Variants in SUGCT observed in about 807,000 individuals in gnomAD.
The protein encoded by SUGCT is succinyl-CoA:glutarate CoA-transferase.
Under a neutral mutation model 55.0 loss-of-function variants are expected in SUGCT, and 41 were observed. The observed-to-expected ratio is 0.74, with a 90% CI of 0.58 to 0.97. SUGCT has a LOEUF of 0.97. Among genes scored for constraint, SUGCT ranks in the 50% least tolerant of loss-of-function variants. The pLI is 0.00. For missense variants in SUGCT, 568 were observed against 547.8 expected, an observed-to-expected ratio of 1.04 and a Z score of -0.37; for synonymous variants, 187 against 200.4, an observed-to-expected ratio of 0.93 and a Z score of 0.56.
chr7:41,031,977 G>A, the SUGCT span, among the ~76,000 whole-genome samples: 135,542 of 151,750 alleles, frequency 0.89, 60,751 homozygotes, highest in African/African-American at 0.97. Context: ...CCTGTGCCCA[G>A]TATCTAGTAG....
chr7:40,179,506 C>T (rs1056361507), intron 1 of SUGCT, among the ~76,000 whole-genome samples: 1 of 152,154 alleles, frequency 6.6e-6, no homozygotes, highest in African/African-American at 2.4e-5. Context: ...TGGTCTGGAA[C>T]TCCTGACCTC....
chr7:40,237,878 A>G (rs1269277174), intron 7 of SUGCT, among the ~76,000 whole-genome samples, 152 bp downstream of exon 7: 1 of 152,222 alleles, frequency 6.6e-6, no homozygotes, highest in Non-Finnish European at 1.5e-5. Context: ...TTTTAGAAAG[A>G]AACCAGGGAA....
intron 8 of SUGCT, among the ~76,000 whole-genome samples, chr7:40,287,140 T>C (rs113581544): frequency 1.3e-5 from 2 of 152,304 alleles, no homozygotes; most frequent in African/African-American, 4.8e-5. Flanking sequence ...TTCTCTAAAG[T>C]TGAATTATTG....
intron 6 of SUGCT, among the ~76,000 whole-genome samples, chr7:40,196,061 A>T (rs1196078842): frequency 1.3e-5 from 2 of 152,182 alleles, no homozygotes; most frequent in Admixed American, 1.3e-4. Context: ...TAGGAACCCA[A>T]GGTATCCCTT....
chr7:40,418,273 C>G (rs1488430447), intron 9 of SUGCT, among the ~76,000 whole-genome samples: 1 of 152,124 alleles, frequency 6.6e-6, no homozygotes, highest in East Asian at 1.9e-4. Context: ...TGTAAGGATT[C>G]AGATGGGAAA....
rs1001789561 is a variant in SUGCT at position 40,747,019 on chromosome 7, C to G, written c.1090-2415C>G. 2.6e-5 allele frequency among the ~76,000 whole-genome samples: 4 copies of G among 152,168 alleles called. No individual in the cohort carries two copies. In the East Asian group the frequency reaches 7.7e-4, roughly 29 times the overall value. On this transcript the variant is annotated intron_variant, in intron 12 of 13. Coordinates refer to ENST00000335693, the MANE Select transcript of SUGCT (RefSeq NM_001193313.2). ...AGTAGAACTGAGATTTAGCACCTCC[C>G]GTTGGCATTTAGCCCCCACCCCCAC...
At chr7:40,970,952 G>A in the SUGCT span, among the ~76,000 whole-genome samples, 6 of 152,230 alleles carry the variant, frequency 3.9e-5, no homozygotes, top group East Asian at 5.8e-4. Context: ...TCTGACTTAC[G>A]TTTTTAAAAA....
At chr7:40,136,409 CTT>C (rs2150567377) in intron 1 of SUGCT, among the ~76,000 whole-genome samples, 1 of 152,330 alleles carries the variant, frequency 6.6e-6, no homozygotes, top group East Asian at 1.9e-4. Context: ...CTCGCTGTCT[CTT>C]TGACATGTTC....
rs139232271 is a variant in SUGCT, at chr7:40,816,178, G to A, written c.1154-44138G>A. Among the ~76,000 whole-genome samples the A allele has an allele frequency of 2.9e-3, 439 of 152,310 alleles. 3 individuals are homozygous for A. The highest frequency in any genetic ancestry group is 0.01 in the African/African-American group (418 of 41,572). Reference sequence around the variant, plus strand: ...GCCTTCTACAGTTCGGGCTGTGGAGGCCCCTACCCCACTCCAAAGCAAGTC... The same window carrying A: ...GCCTTCTACAGTTCGGGCTGTGGAGACCCCTACCCCACTCCAAAGCAAGTC... On this transcript the variant is annotated intron_variant, in intron 13 of 13. Transcript: ENST00000335693.
intron 8 of SUGCT, among the ~76,000 whole-genome samples, chr7:40,282,914 C>G (rs1793066636): frequency 6.6e-6 from 1 of 151,740 alleles, no homozygotes; most frequent in African/African-American, 2.4e-5. Context: ...AACATAAGAT[C>G]TAAACTGTTA....
chr7:40,194,976 G>T lies in SUGCT; in HGVS notation c.400G>T (p.Val134Phe). 3.1e-6 allele frequency: 5 copies of T among 1,613,778 alleles called. No homozygotes were observed. The highest frequency in any genetic ancestry group is 4.2e-6 in the Non-Finnish European group (5 of 1,179,816). ...TTGTGATGTGTTTGTGGAAAACTAT[G>T]TCCCTGGCAAACTGTCTGCAATGGG... ...AVCDVFVENY[V>F]PGKLSAMGLG... The change falls in exon 6 of 14, where the codon GTC (valine) becomes TTC (phenylalanine). Residue 134 changes from valine to phenylalanine, a missense_variant. By Grantham distance (50) the Val-to-Phe change is conservative (BLOSUM62 -1). Coordinates refer to ENST00000335693, the MANE Select transcript of SUGCT (RefSeq NM_001193313.2).
intron 12 of SUGCT, among the ~76,000 whole-genome samples, chr7:40,734,918 A>G (rs550952343): frequency 6.6e-6 from 1 of 152,316 alleles, no homozygotes; most frequent in African/African-American, 2.4e-5. Flanking sequence ...TGGGGAAGAG[A>G]GGACTAAATC....
At chr7:40,548,383 A>T (rs1795125211) in intron 12 of SUGCT, among the ~76,000 whole-genome samples, 1 of 151,916 alleles carries the variant, frequency 6.6e-6, no homozygotes, top group Non-Finnish European at 1.5e-5. Context: ...CGGTTTTTGT[A>T]AGACAGGTCT....
chr7:40,177,017 C>T (rs550090093), intron 1 of SUGCT, among the ~76,000 whole-genome samples: 151 of 150,798 alleles, frequency 1.0e-3, no homozygotes, highest in African/African-American at 3.5e-3. Context: ...AACAAATATG[C>T]ATGCCCTTTC....
intron 13 of SUGCT, among the ~76,000 whole-genome samples, chr7:40,778,067 A>G (rs1010616390): frequency 6.6e-6 from 1 of 152,204 alleles, no homozygotes; most frequent in Non-Finnish European, 1.5e-5. Flanking sequence ...TTAGTTTGCC[A>G]GTTCTCAATT....
At chr7:40,893,596 C>T in the SUGCT span, among the ~76,000 whole-genome samples, 3 of 152,046 alleles carry the variant, frequency 2.0e-5, no homozygotes, top group Admixed American at 6.6e-5. Flanking sequence ...AGTGAACAAC[C>T]AATGGGTCAA....
At chr7:40,796,467 A>T (rs2128748159) in intron 13 of SUGCT, among the ~76,000 whole-genome samples, 1 of 152,232 alleles carries the variant, frequency 6.6e-6, no homozygotes, top group East Asian at 1.9e-4. Flanking sequence ...GGAAAAGGAG[A>T]AGGAAGAGAA....
chr7:40,549,079 C>T (rs1347860729), intron 12 of SUGCT, among the ~76,000 whole-genome samples: 2 of 152,130 alleles, frequency 1.3e-5, no homozygotes, highest in Non-Finnish European at 2.9e-5. Flanking sequence ...TTCTGATGGC[C>T]CTCTTGGAAC....
the SUGCT span, among the ~76,000 whole-genome samples, chr7:40,963,240 A>C: frequency 6.6e-6 from 1 of 151,988 alleles, no homozygotes; most frequent in Non-Finnish European, 1.5e-5. Context: ...ATGTAAAGGT[A>C]TCATGGACTC....
Sources: allele counts gnomAD v4.1 joint callset (sites outside exome capture counted in the v4.1 genomes callset), GRCh38; gene constraint gnomAD v4.1.1; transcripts MANE v1.5; gene names NCBI Gene and HGNC (gene_info 2026-07-23, HGNC 2026-07-21).